The following CNOT9 variants were observed in gnomAD, a reference collection of about 807,000 sequenced individuals.
CNOT9 encodes the protein RCD1 required for cell differentiation1 homolog.
CNOT9 carries 8 observed loss-of-function variants against 37.4 expected under a neutral mutation model. That is an observed-to-expected ratio of 0.21 (90% CI 0.13 to 0.39). CNOT9 has a LOEUF of 0.39. Ranked by LOEUF, CNOT9 falls within the 10% of genes least tolerant of loss-of-function variation. CNOT9 has a pLI of 1.00. For synonymous variants in CNOT9, 120 were observed against 137.6 expected (o/e 0.87, Z 0.90); for missense variants, 154 against 365.3 (o/e 0.42, Z 4.71).
intron 1 of CNOT9, 95 bp downstream of exon 1, chr2:218,569,073 T>C (rs747417418): frequency 7.0e-6 from 10 of 1,419,476 alleles, no homozygotes; most frequent in Non-Finnish European, 9.7e-6. Flanking sequence ...GTCCCTAGTC[T>C]GATTTTTTTC....
chr2:218,572,574 T>A, intron 1 of CNOT9: 1 of 520,366 alleles, frequency 1.9e-6, no homozygotes, highest in African/African-American at 2.1e-5. Context: ...CAGGCTGCAG[T>A]GAGCCATGAT....
chr2:218,580,196 T>G (rs1174198578), intron 1 of CNOT9, among the ~76,000 whole-genome samples: 2 of 152,020 alleles, frequency 1.3e-5, no homozygotes, highest in Non-Finnish European at 2.9e-5. Flanking sequence ...CTCAAACTCC[T>G]GACCTCAAGT....
intron 4 of CNOT9, 36 bp from the exon 5 acceptor site, chr2:218,587,550 C>A (rs1259553079): frequency 4.6e-6 from 7 of 1,534,880 alleles, no homozygotes; most frequent in Non-Finnish European, 6.2e-6. Flanking sequence ...GAAACCCTAA[C>A]TGTAAAATAA....
At chr2:218,584,898 C>A (rs1694536906) in intron 4 of CNOT9, among the ~76,000 whole-genome samples, 177 bp downstream of exon 4, 1 of 152,140 alleles carries the variant, frequency 6.6e-6, no homozygotes, top group Non-Finnish European at 1.5e-5. Flanking sequence ...AAGCACTCTT[C>A]TAAGTGTTGT....
chr2:218,571,393 C>T (rs1693987219), intron 1 of CNOT9, among the ~76,000 whole-genome samples: 1 of 152,056 alleles, frequency 6.6e-6, no homozygotes. Flanking sequence ...GGCCACTGGA[C>T]TCCAGCTTGA....
intron 5 of CNOT9, 30 bp downstream of exon 5, chr2:218,587,725 G>A: frequency 7.7e-7 from 1 of 1,292,930 alleles, no homozygotes; most frequent in Non-Finnish European, 1.1e-6. Context: ...ATTTTACATT[G>A]TGTTGACTCT....
At chr2:218,588,338 G>T (rs1694658191) in intron 5 of CNOT9, among the ~76,000 whole-genome samples, 2 of 150,030 alleles carry the variant, frequency 1.3e-5, no homozygotes, top group Non-Finnish European at 3.0e-5. Context: ...ACCCAGGCTG[G>T]AGTGCAGTGG....
In CNOT9 at chr2:218,568,934, A is replaced by G. The variant is rs1574979268; in HGVS notation, c.-21A>G. On this transcript the variant is annotated 5_prime_UTR_variant, in exon 1 of 8. Coordinates refer to ENST00000273064, the MANE Select transcript of CNOT9 (RefSeq NM_005444.3). ...GGTCGGACGCGTCCGGCTGTGGAAGAGAGCGGCGGCCGCTCACAACATGCA... is the reference window on the plus strand; with the variant it reads ...GGTCGGACGCGTCCGGCTGTGGAAGGGAGCGGCGGCCGCTCACAACATGCA... The G allele has an allele frequency of 6.2e-7, 1 of 1,607,030 alleles. No individual in the cohort carries two copies. The highest frequency in any genetic ancestry group is 8.5e-7 in the Non-Finnish European group (1 of 1,176,996).
At chr2:218,583,226 T>C (rs1694466443) in intron 3 of CNOT9, 140 bp downstream of exon 3, 2 of 294,350 alleles carry the variant, frequency 6.8e-6, no homozygotes, top group African/African-American at 7.8e-5. Context: ...TGTGTGTGTG[T>C]GTGTGTGTCT....
Position 218,583,039 on chromosome 2 carries a change from C to T in CNOT9, c.273C>T (p.Cys91=), listed in dbSNP as rs899640163. ...TLTAHQSNRV[C]NALALLQCVA... is the part of the protein sequence containing the mutation. ...CAGCACACCAGTCTAACAGAGTTTG[C>T]AATGCTCTGGCATTACTGCAATGTG... Residue 91 remains cysteine, a synonymous_variant, in exon 3 of 8, where the codon TGC becomes TGT. Transcript: ENST00000273064. The T allele has an allele frequency of 1.9e-6, 3 of 1,613,806 alleles. No individual in the cohort carries two copies. The highest frequency in any genetic ancestry group is 3.3e-5 in the Admixed American group (2 of 60,002).
In CNOT9 at chr2:218,595,839, G is replaced by A. The variant is rs983577056; in HGVS notation, c.*1563G>A. 6.6e-6 allele frequency: 1 copy of A among 151,966 alleles called. No individual in the cohort carries two copies. Among genetic ancestry groups the A allele is most frequent in the African/African-American group, 2.4e-5 (1 of 41,366 alleles). The allele number at this position is 151,966 out of a possible 1,614,324, so 9.4% of individuals were successfully genotyped here. A position where few individuals can be genotyped will look rare whatever the true frequency, so the allele number is the denominator to read the frequency against. On this transcript the variant is annotated 3_prime_UTR_variant, in exon 8 of 8. Coordinates refer to ENST00000273064, the MANE Select transcript of CNOT9 (RefSeq NM_005444.3). ...TTCACAAAGAGAGCCGGACTTGTTA[G>A]TTGGCTTCTGTCTCTTTAGAGCCAA...
In CNOT9 at chr2:218,594,381, A is replaced by C. The variant is rs1694870791; in HGVS notation, c.*105A>C. On this transcript the variant is annotated 3_prime_UTR_variant, in exon 8 of 8. Transcript: ENST00000273064. Reference sequence around the variant, plus strand: ...TCACCGACTGGGAATAGACAACCTCAATGCTGAACCGCACTGGAGAAAAGG... The same window carrying C: ...TCACCGACTGGGAATAGACAACCTCCATGCTGAACCGCACTGGAGAAAAGG... 1.8e-5 allele frequency: 23 copies of C among 1,261,534 alleles called. 1 individual carries two copies. The South Asian group carries it at 3.2e-4, about 17-fold the overall frequency. 78.1% of individuals were successfully genotyped at this position (1,261,534 alleles called of 1,614,324 possible).
intron 1 of CNOT9, among the ~76,000 whole-genome samples, chr2:218,572,881 C>T (rs765952316): frequency 6.6e-6 from 1 of 152,156 alleles, no homozygotes; most frequent in Non-Finnish European, 1.5e-5. Flanking sequence ...CTGCCAGATG[C>T]CTTCCTTTTT....
At chr2:218,569,421 C>T (rs1299501477) in intron 1 of CNOT9, among the ~76,000 whole-genome samples, 1 of 152,176 alleles carries the variant, frequency 6.6e-6, no homozygotes, top group Non-Finnish European at 1.5e-5. Flanking sequence ...TATGGAAAAC[C>T]TGAGGCCCGG....
intron 7 of CNOT9, chr2:218,593,794 C>A: frequency 8.3e-7 from 1 of 1,200,816 alleles, no homozygotes; most frequent in Non-Finnish European, 1.1e-6. Flanking sequence ...CCATATATTT[C>A]TAACATGAGT....
At chr2:218,583,321 A>G (rs1574991853) in intron 3 of CNOT9, among the ~76,000 whole-genome samples, 1 of 148,630 alleles carries the variant, frequency 6.7e-6, no homozygotes, top group South Asian at 2.2e-4. Context: ...CTTTTACCCA[A>G]TGAACTTTAA....
chr2:218,577,497 A>G (rs774713495), intron 1 of CNOT9, among the ~76,000 whole-genome samples: 7 of 152,314 alleles, frequency 4.6e-5, no homozygotes, highest in Middle Eastern at 3.4e-3. Context: ...AGCCCCCACA[A>G]ATAATCTCAC....
At chr2:218,586,488 C>CT (rs779670750) in intron 4 of CNOT9, among the ~76,000 whole-genome samples, 9,464 of 137,674 alleles carry the variant, frequency 0.069, 485 homozygotes, top group African/African-American at 0.14. Context: ...CTGATCTCAG[C>CT]TTTTTTTTTT....
chr2:218,574,951 G>GT (rs911624847), intron 1 of CNOT9, among the ~76,000 whole-genome samples: 46 of 149,810 alleles, frequency 3.1e-4, no homozygotes, highest in Middle Eastern at 3.4e-3. Context: ...ATACGTCAAA[G>GT]TTTTTTTTTT....
Sources: allele counts gnomAD v4.1 joint callset (sites outside exome capture counted in the v4.1 genomes callset), GRCh38; gene constraint gnomAD v4.1.1; transcripts MANE v1.5; gene names NCBI Gene and HGNC (gene_info 2026-07-23, HGNC 2026-07-21).